RUFY2: variants seen among roughly 807,000 people sequenced by gnomAD.
The protein encoded by RUFY2 is RUN and FYVE domain-containing protein 2.
RUFY2 carries 49 observed loss-of-function variants against 94.4 expected under a neutral mutation model. That is an observed-to-expected ratio of 0.52 (90% CI 0.41 to 0.66). The LOEUF is 0.66. RUFY2 is among the 30% of genes least tolerant of loss of function. The pLI is 0.00. For missense variants in RUFY2, 541 were observed against 692.8 expected (o/e 0.78, Z 2.46); for synonymous variants, 255 against 235.7 (o/e 1.08, Z -0.75).
At position 68,345,914 on chromosome 10, in the gene RUFY2, ATT is replaced by A; in HGVS notation, c.1678-5_1678-4del. 6.2e-7 allele frequency: 1 copy of A among 1,613,178 alleles called. No individual in the cohort carries two copies. The highest frequency in any genetic ancestry group is 1.1e-5 in the South Asian group (1 of 90,682). ...TCCCCACAATTTCTACAGTGGTGCTATTAAACAGAAAAATCAGAGGGAAAAAA... is the reference window on the plus strand; with the variant it reads ...TCCCCACAATTTCTACAGTGGTGCTAAAACAGAAAAATCAGAGGGAAAAAA... On this transcript the variant is annotated splice_polypyrimidine_tract_variant and splice_region_variant and intron_variant, in intron 17 of 17. Coordinates refer to ENST00000602465, the MANE Select transcript of RUFY2 (RefSeq NM_001330103.2).
downstream of RUFY2, chr10:68,341,168 ATTTAG>A: frequency 6.5e-7 from 1 of 1,544,834 alleles, no homozygotes; most frequent in Non-Finnish European, 8.7e-7. Flanking sequence ...GTTTCCTTTT[ATTTAG>A]TTCTTCTCAC....
chr10:68,393,968 G>C (rs1225307970), intron 6 of RUFY2, 107 bp downstream of exon 6: 6 of 1,420,666 alleles, frequency 4.2e-6, no homozygotes, highest in Non-Finnish European at 5.5e-6. Flanking sequence ...AGTCACAGGG[G>C]GGAAAACAAC....
rs558144181 is a variant in RUFY2, at chr10:68,371,064, G to A, written c.1325+5789C>T. On this transcript the variant is annotated intron_variant, in intron 13 of 17. Transcript: ENST00000602465. ...GGAGAATGGAGTGAACCCAGGAGGC[G>A]GAGCTTGCAGTGAGCTGAGACCGCG... is the stretch of plus-strand genomic sequence containing the variant. 6.0e-5 allele frequency among the ~76,000 whole-genome samples: 9 copies of A among 150,630 alleles called. No homozygotes were observed. In the South Asian group the frequency reaches 1.3e-3, roughly 21 times the overall value.
rs370944049 is a variant in RUFY2 at position 68,406,884 on chromosome 10, C to T, written c.4+302G>A. Reference sequence around the variant, plus strand: ...TCATCGCCCCTCCCCGCCTGCTCCCCGACCCGGGAGTGACACCCTGCCTGG... The same window carrying T: ...TCATCGCCCCTCCCCGCCTGCTCCCTGACCCGGGAGTGACACCCTGCCTGG... On this transcript the variant is annotated intron_variant, in intron 1 of 17. Transcript: ENST00000602465. 190 of 1,595,812 alleles carry T rather than the reference C, an allele frequency of 1.2e-4. No individual in the cohort carries two copies. In the African/African-American group the frequency reaches 2.1e-3, roughly 18 times the overall value.
At chr10:68,357,953 T>G (rs544098778) in intron 15 of RUFY2, among the ~76,000 whole-genome samples, 90 of 152,208 alleles carry the variant, frequency 5.9e-4, no homozygotes, top group African/African-American at 2.1e-3. Flanking sequence ...TTTGGGAGGC[T>G]GAGGTGGGGA....
intron 13 of RUFY2, among the ~76,000 whole-genome samples, chr10:68,368,560 G>A (rs557555096): frequency 1.3e-5 from 2 of 152,018 alleles, no homozygotes; most frequent in African/African-American, 4.8e-5. Context: ...TTGGGAGGCT[G>A]AGGCAGGAGA....
Position 68,345,327 on chromosome 10 carries a change from A to G in RUFY2, c.*441T>C, listed in dbSNP as rs2046208600. On this transcript the variant is annotated 3_prime_UTR_variant, in exon 18 of 18. Coordinates refer to ENST00000602465, the MANE Select transcript of RUFY2 (RefSeq NM_001330103.2). ...AATATAGTTGAAATCTTACAAAGAT[A>G]ATGAAAATCTGTTGAATTAGAATAT... The G allele has an allele frequency of 3.2e-6, 1 of 313,414 alleles. No homozygotes were observed. The highest frequency in any genetic ancestry group is 5.8e-6 in the Non-Finnish European group (1 of 173,846). The allele number at this position is 313,414 out of a possible 1,614,324, so 19.4% of individuals were successfully genotyped here.
In RUFY2 at chr10:68,375,515, C is replaced by T. The variant is rs149968367; in HGVS notation, c.1325+1338G>A. Among the ~76,000 whole-genome samples the T allele has an allele frequency of 8.2e-3, 1,241 of 152,162 alleles. 17 individuals carry two copies. Among genetic ancestry groups the T allele is most frequent in the African/African-American group, 0.028 (1,158 of 41,508 alleles). On this transcript the variant is annotated intron_variant, in intron 13 of 17. Coordinates refer to ENST00000602465, the MANE Select transcript of RUFY2 (RefSeq NM_001330103.2). ...ATTGGCCGGGTGTGGTGGCTCACAC[C>T]TGTAATCCCAGCACTTTGGGAGGCT...
At chr10:68,377,107 C>A (rs1226860068) in intron 12 of RUFY2, 135 bp from the exon 13 acceptor site, 1 of 1,498,416 alleles carries the variant, frequency 6.7e-7, no homozygotes, top group Non-Finnish European at 8.9e-7. Flanking sequence ...GGAAAACTCA[C>A]AAACTCAAAC....
chr10:68,383,876 A>G lies in RUFY2; in HGVS notation c.861T>C (p.Tyr287=), dbSNP rs1367000817. 3.7e-6 allele frequency: 6 copies of G among 1,613,910 alleles called. No homozygotes were observed. The highest frequency in any genetic ancestry group is 4.2e-6 in the Non-Finnish European group (5 of 1,179,980). Residue 287 remains tyrosine (Y), a synonymous_variant, in exon 10 of 18, where the codon TAT becomes TAC. Transcript: ENST00000602465. ...CATCTAGCCCCTGACGAGAATGCTT[A>G]TATGTTTGAAGCTCAGTTTCCACAT... ...KVDVETELQT[Y]KHSRQGLDEM...
intron 1 of RUFY2, among the ~76,000 whole-genome samples, 153 bp from the exon 2 acceptor site, chr10:68,404,997 TC>T: frequency 6.6e-6 from 1 of 152,308 alleles, no homozygotes; most frequent in South Asian, 2.1e-4. Flanking sequence ...GATTAACTTC[TC>T]TTTACATCTC....
intron 16 of RUFY2, among the ~76,000 whole-genome samples, chr10:68,348,266 G>A (rs931487190): frequency 4.0e-5 from 6 of 151,316 alleles, no homozygotes; most frequent in African/African-American, 1.2e-4. Context: ...GAGACTTTGA[G>A]AGGCCAAGGT....
rs917066740 is a variant in RUFY2, at chr10:68,344,545, AGT to A, written c.*1221_*1222del. ...CATTGAGTCAGCTTGAAATAGGTCA[AGT>A]GTACTGGCCAGGTGCTGTGGCTCAC... On this transcript the variant is annotated 3_prime_UTR_variant, in exon 18 of 18. Transcript: ENST00000602465. The A allele has an allele frequency of 1.4e-4, 21 of 152,230 alleles. No homozygotes were observed. The highest frequency in any genetic ancestry group is 5.1e-4 in the African/African-American group (21 of 41,454). 9.4% of individuals were successfully genotyped at this position (152,230 alleles called of 1,614,324 possible). A position where few individuals can be genotyped will look rare whatever the true frequency, so the allele number is the denominator to read the frequency against.
chr10:68,343,950 A>G lies in RUFY2; in HGVS notation c.*1818T>C, dbSNP rs1014966051. 6.6e-6 allele frequency: 1 copy of G among 152,160 alleles called. No individual in the cohort carries two copies. The highest frequency in any genetic ancestry group is 2.4e-5 in the African/African-American group (1 of 41,450). 9.4% of individuals were successfully genotyped at this position (152,160 alleles called of 1,614,324 possible). On this transcript the variant is annotated 3_prime_UTR_variant, in exon 18 of 18. Transcript: ENST00000602465. Reference sequence around the variant, plus strand: ...TTGGAATTTAAGCAACTTAAGTCACATTTTAAAATTTGTTCTAAGCACAGT... The same window carrying G: ...TTGGAATTTAAGCAACTTAAGTCACGTTTTAAAATTTGTTCTAAGCACAGT...
At chr10:68,342,898 A>ATAAC (rs1252180781), downstream of RUFY2, 2 of 152,376 alleles carry the variant, frequency 1.3e-5, no homozygotes, top group African/African-American at 4.8e-5. Flanking sequence ...TAGAGTTTAA[A>ATAAC]TAACTGTATA....
intron 3 of RUFY2, among the ~76,000 whole-genome samples, chr10:68,400,847 C>T (rs1366182840): frequency 6.6e-6 from 1 of 151,454 alleles, no homozygotes; most frequent in Non-Finnish European, 1.5e-5. Flanking sequence ...CCGATCTCTA[C>T]TAAAAATACA....
intron 2 of RUFY2, among the ~76,000 whole-genome samples, chr10:68,403,687 A>C (rs1377601513): frequency 6.6e-6 from 1 of 152,232 alleles, no homozygotes; most frequent in Non-Finnish European, 1.5e-5. Context: ...AAAAGAAATG[A>C]GTATGCTAAT....
chr10:68,403,136 G>T (rs1424807584), intron 2 of RUFY2, among the ~76,000 whole-genome samples: 2 of 147,376 alleles, frequency 1.4e-5, no homozygotes, highest in Non-Finnish European at 3.0e-5. Context: ...ATGAGCCATC[G>T]CACCCAGCCA....
chr10:68,351,647 AC>A (rs934721647), intron 16 of RUFY2, among the ~76,000 whole-genome samples: 4 of 149,452 alleles, frequency 2.7e-5, no homozygotes, highest in African/African-American at 9.8e-5. Flanking sequence ...GCGGGGTTTC[AC>A]CATGTTGCCC....
Sources: allele counts gnomAD v4.1 joint callset (sites outside exome capture counted in the v4.1 genomes callset), GRCh38; gene constraint gnomAD v4.1.1; transcripts MANE v1.5; gene names NCBI Gene and HGNC (gene_info 2026-07-23, HGNC 2026-07-21).